Variants in FXN observed in about 807,000 individuals in gnomAD.
FXN encodes the protein frataxin, mitochondrial.
Under a neutral mutation model 22.4 loss-of-function variants are expected in FXN, and 14 were observed. That is an observed-to-expected ratio of 0.62 (90% CI 0.41 to 0.98). The LOEUF (loss-of-function observed/expected upper bound fraction) is 0.98. FXN is among the 50% of genes least tolerant of loss of function. The probability of loss-of-function intolerance (pLI) is 0.00; values close to 1 mark genes in which losing one functional copy is unlikely to be tolerated. For synonymous variants in FXN, 120 were observed against 114.1 expected (o/e 1.05, Z -0.33); for missense variants, 267 against 268.4 (o/e 0.99, Z 0.04).
chr9:69,053,368 GT>G lies in FXN; in HGVS notation c.384+109del, dbSNP rs201988758. On this transcript the variant is annotated intron_variant, in intron 3 of 4. Coordinates refer to ENST00000484259, the MANE Select transcript of FXN (RefSeq NM_000144.5). ...GCTAAGCATCAAGTAGCATGTAGTTGTAGGTAGGATTAAAAGACTAGGGTTC... is the reference window on the plus strand; with the variant it reads ...GCTAAGCATCAAGTAGCATGTAGTTGAGGTAGGATTAAAAGACTAGGGTTC... The G allele has an allele frequency of 3.6e-4, 485 of 1,362,306 alleles. 3 individuals are homozygous for G. The East Asian group carries it at 9.5e-3, about 27-fold the overall frequency. 84.4% of individuals were successfully genotyped at this position (1,362,306 alleles called of 1,614,324 possible). A position where few individuals can be genotyped will look rare whatever the true frequency, so the allele number is the denominator to read the frequency against.
chr9:69,070,843 A>T (rs1468759399), intron 4 of FXN, among the ~76,000 whole-genome samples: 2 of 149,140 alleles, frequency 1.3e-5, no homozygotes, highest in African/African-American at 2.5e-5. Flanking sequence ...ATTAAAAATA[A>T]TTTTTTTTGT....
rs188899351 is a variant in FXN, at chr9:69,076,886, C to G, written c.*4124C>G. On this transcript the variant is annotated 3_prime_UTR_variant, in exon 5 of 5. Coordinates refer to ENST00000484259, the MANE Select transcript of FXN (RefSeq NM_000144.5). ...TGTAAATTTATGCTGTTCAAAACGACGAGTTCATGACTTTGTGTATAGAGT... is the reference window on the plus strand; with the variant it reads ...TGTAAATTTATGCTGTTCAAAACGAGGAGTTCATGACTTTGTGTATAGAGT... The G allele has an allele frequency of 1.7e-4, 168 of 985,372 alleles. 1 individual carries two copies. The South Asian group carries it at 7.0e-3, about 41-fold the overall frequency. 61.0% of individuals were successfully genotyped at this position (985,372 alleles called of 1,614,324 possible). A position where few individuals can be genotyped will look rare whatever the true frequency, so the allele number is the denominator to read the frequency against.
Position 69,075,550 on chromosome 9 carries a change from A to G in FXN, c.*2788A>G. 1.0e-6 allele frequency: 1 copy of G among 985,276 alleles called. No homozygotes were observed. The highest frequency in any genetic ancestry group is 1.2e-6 in the Non-Finnish European group (1 of 829,828). The allele number at this position is 985,276 out of a possible 1,614,324, so 61.0% of individuals were successfully genotyped here. On this transcript the variant is annotated 3_prime_UTR_variant, in exon 5 of 5. Coordinates refer to ENST00000484259, the MANE Select transcript of FXN (RefSeq NM_000144.5). ...ATCATATTCTGTCAAGCAAACTGGA[A>G]AAGTACCACTGTGTGTACCAATAGC...
intron 3 of FXN, 86 bp from the exon 4 acceptor site, chr9:69,064,852 G>A: frequency 1.3e-6 from 1 of 783,114 alleles, no homozygotes; most frequent in Admixed American, 1.9e-5. Flanking sequence ...GGAAAGTGTT[G>A]AGATAAAACA....
intron 3 of FXN, among the ~76,000 whole-genome samples, chr9:69,056,971 T>G (rs1308834125): frequency 7.2e-6 from 1 of 139,382 alleles, no homozygotes; most frequent in Non-Finnish European, 1.7e-5. Flanking sequence ...CTTGAACTCC[T>G]GACCTCAGGT....
intron 2 of FXN, among the ~76,000 whole-genome samples, chr9:69,049,733 C>T (rs947459191): frequency 6.6e-6 from 1 of 152,114 alleles, no homozygotes; most frequent in Non-Finnish European, 1.5e-5. Context: ...GCAGCTGTCA[C>T]TACTAATTCC....
In FXN at chr9:69,073,269, A is replaced by C. The variant is rs116943766; in HGVS notation, c.*507A>C. 3,864 of 1,012,734 alleles carry C rather than the reference A, an allele frequency of 3.8e-3. 8 individuals carry two copies. The highest frequency in any genetic ancestry group is 0.011 in the Middle Eastern group (21 of 1,984). The allele number at this position is 1,012,734 out of a possible 1,614,324, so 62.7% of individuals were successfully genotyped here. On this transcript the variant is annotated 3_prime_UTR_variant, in exon 5 of 5. Transcript: ENST00000484259. ...TGTAAGCACTTCTGAGCTCTTTAGC[A>C]TTGAAGTGTCGAAAGCAACTCACAC...
chr9:69,043,756 G>C (rs1831697991), intron 1 of FXN, among the ~76,000 whole-genome samples: 1 of 152,154 alleles, frequency 6.6e-6, no homozygotes, highest in South Asian at 2.1e-4. Flanking sequence ...GCTAATTTTT[G>C]TGTTTTTAGT....
chr9:69,066,707 C>G (rs1293375706), intron 4 of FXN, among the ~76,000 whole-genome samples: 1 of 151,394 alleles, frequency 6.6e-6, no homozygotes, highest in Non-Finnish European at 1.5e-5. Flanking sequence ...GCACTTACCC[C>G]AAAAGAACTT....
chr9:69,070,438 A>G (rs899372590), intron 4 of FXN, among the ~76,000 whole-genome samples: 3 of 152,204 alleles, frequency 2.0e-5, no homozygotes, highest in African/African-American at 7.2e-5. Context: ...TAGGGGGACC[A>G]TGGGCCACCA....
chr9:69,039,028 G>A (rs1025885258), intron 1 of FXN, among the ~76,000 whole-genome samples: 5 of 151,970 alleles, frequency 3.3e-5, no homozygotes, highest in African/African-American at 7.2e-5. Context: ...TGAGATGGGC[G>A]GATCACCTGA....
At chr9:69,037,284 A>AAGAAGAAGAAGAAG (rs71353102) in intron 1 of FXN, among the ~76,000 whole-genome samples, 1 of 78,060 alleles carries the variant, frequency 1.3e-5, no homozygotes, top group South Asian at 4.5e-4. Context: ...AAAAAAAAAA[A>AAGAAGAAGAAGAAG]AAGAAGAAGA....
At chr9:69,055,977 G>C (rs1418851410) in intron 3 of FXN, among the ~76,000 whole-genome samples, 1 of 152,104 alleles carries the variant, frequency 6.6e-6, no homozygotes, top group Non-Finnish European at 1.5e-5. Flanking sequence ...TCAAGCTTCT[G>C]GGCTCAAGTG....
chr9:69,047,262 A>C (rs7022681), intron 2 of FXN, among the ~76,000 whole-genome samples: 10,544 of 152,004 alleles, frequency 0.069, 486 homozygotes, highest in African/African-American at 0.13. Flanking sequence ...TCCGAGTCCA[A>C]GATTTCCAGG....
chr9:69,070,299 C>T (rs1179594686), intron 4 of FXN, among the ~76,000 whole-genome samples: 4 of 152,114 alleles, frequency 2.6e-5, no homozygotes, highest in African/African-American at 9.7e-5. Context: ...GAGAGTGCTC[C>T]AGGCACTCCA....
Position 69,076,948 on chromosome 9 carries a change from T to C in FXN, c.*4186T>C, listed in dbSNP as rs1192740488. 1 of 977,854 alleles carries C rather than the reference T, an allele frequency of 1.0e-6. No homozygotes were observed. Among genetic ancestry groups the C allele is most frequent in the Admixed American group, 6.2e-5 (1 of 16,236 alleles). The allele number at this position is 977,854 out of a possible 1,614,324, so 60.6% of individuals were successfully genotyped here. On this transcript the variant is annotated 3_prime_UTR_variant, in exon 5 of 5. Transcript: ENST00000484259. ...TTTCTTTTTTGAGACAGAGTCTTGC[T>C]CTGTCACCCAGGCTGGAGTGCAGTG...
Position 69,076,626 on chromosome 9 carries a change from G to A in FXN, c.*3864G>A, listed in dbSNP as rs1832373900. 1.0e-6 allele frequency: 1 copy of A among 985,274 alleles called. No homozygotes were observed. Among genetic ancestry groups the A allele is most frequent in the Admixed American group, 6.1e-5 (1 of 16,262 alleles). The allele number at this position is 985,274 out of a possible 1,614,324, so 61.0% of individuals were successfully genotyped here. A position where few individuals can be genotyped will look rare whatever the true frequency, so the allele number is the denominator to read the frequency against. On this transcript the variant is annotated 3_prime_UTR_variant, in exon 5 of 5. Transcript: ENST00000484259. ...GCCCCAAATTCTGACAGATGCTTTT[G>A]CCACCTCTAAAGGAAGACCCATGTT...
At chr9:69,064,340 T>C (rs1266569327) in intron 3 of FXN, among the ~76,000 whole-genome samples, 4 of 152,326 alleles carry the variant, frequency 2.6e-5, no homozygotes, top group African/African-American at 9.6e-5. Flanking sequence ...TGGAGGAGTA[T>C]CTGAGAAGCT....
At chr9:69,059,203 A>C (rs1398497564) in intron 3 of FXN, among the ~76,000 whole-genome samples, 2 of 152,144 alleles carry the variant, frequency 1.3e-5, no homozygotes, top group Admixed American at 6.6e-5. Flanking sequence ...GATTGGTACA[A>C]GAGTAGATTG....
Sources: allele counts gnomAD v4.1 joint callset (sites outside exome capture counted in the v4.1 genomes callset), GRCh38; gene constraint gnomAD v4.1.1; transcripts MANE v1.5; gene names NCBI Gene and HGNC (gene_info 2026-07-23, HGNC 2026-07-21).